NMBR: variants seen among roughly 807,000 people sequenced by gnomAD.
The protein encoded by NMBR is neuromedin B receptor, also known as neuromedin-B receptor.
In NMBR, 16 loss-of-function variants were observed where a neutral mutation model predicts 20.5. The observed-to-expected ratio is 0.78, with a 90% confidence interval of 0.53 to 1.19. The LOEUF (loss-of-function observed/expected upper bound fraction) is 1.19. NMBR is among the 50% of genes most tolerant of loss of function. The pLI, the probability that NMBR is intolerant of heterozygous loss-of-function variation, is 0.00. For synonymous variants in NMBR, 212 were observed against 196.6 expected (o/e 1.08, Z -0.65); for missense variants, 582 against 499.1 (o/e 1.17, Z -1.58).
At chr6:142,079,126 G>GAAGA (rs1554257075) in intron 2 of NMBR, among the ~76,000 whole-genome samples, 14 of 103,278 alleles carry the variant, frequency 1.4e-4, no homozygotes, top group African/African-American at 2.7e-4. Context: ...AAGAAAGAAA[G>GAAGA]AAGAAAGAAA....
chr6:142,085,217 T>C (rs898788821), intron 2 of NMBR, among the ~76,000 whole-genome samples: 11 of 152,020 alleles, frequency 7.2e-5, no homozygotes, highest in African/African-American at 2.7e-4. Flanking sequence ...GTTTGGAAAG[T>C]TGAGGATTAA....
chr6:142,119,566 A>G (rs1777909843), intron 1 of NMBR, among the ~76,000 whole-genome samples: 1 of 151,946 alleles, frequency 6.6e-6, no homozygotes, highest in African/African-American at 2.4e-5. Context: ...CAACACAGAA[A>G]CAGCAACAAT....
At chr6:142,096,506 T>C in intron 1 of NMBR, among the ~76,000 whole-genome samples, 1 of 152,178 alleles carries the variant, frequency 6.6e-6, no homozygotes, top group East Asian at 1.9e-4. Context: ...TAATCCTGAG[T>C]TCTAGTTTGA....
chr6:142,122,783 G>T (rs151165184), intron 1 of NMBR, among the ~76,000 whole-genome samples: 193 of 151,998 alleles, frequency 1.3e-3, no homozygotes, highest in Admixed American at 9.6e-3. Flanking sequence ...TCTGTTTACA[G>T]TATAGTTTAC....
intron 1 of NMBR, among the ~76,000 whole-genome samples, chr6:142,109,682 G>A (rs1471249020): frequency 1.3e-5 from 2 of 152,014 alleles, no homozygotes; most frequent in East Asian, 1.9e-4. Flanking sequence ...TTACAGGGAT[G>A]AAATGCTACG....
rs1432305162 is a variant in NMBR, at chr6:142,088,619, C to G, written c.40G>C (p.Gly14Arg). 1 of 1,607,242 alleles carries G rather than the reference C, an allele frequency of 6.2e-7. No homozygotes were observed. Among genetic ancestry groups the G allele is most frequent in the Non-Finnish European group, 8.5e-7 (1 of 1,179,824 alleles). ...KSLSNLSVTTGANESGSVPEG... is the reference protein window; with the variant it reads ...KSLSNLSVTTRANESGSVPEG... ...GGAACGGAACCGCTCTCATTCGCGC[C>G]GGTGGTCACCGAGAGGTTGGAAAGA... is the stretch of plus-strand genomic sequence containing the variant. The change falls in exon 2 of 4, where the codon GGC (glycine) becomes CGC (arginine). Residue 14 changes from glycine (G) to arginine (R), a missense_variant. Physicochemically the swap from Gly to Arg is moderately radical, Grantham distance 125. Coordinates refer to ENST00000258042, the MANE Select transcript of NMBR (RefSeq NM_002511.4).
At chr6:142,145,036 A>AAG (rs1554217340) in intron 1 of NMBR, among the ~76,000 whole-genome samples, 1 of 151,230 alleles carries the variant, frequency 6.6e-6, no homozygotes, top group Non-Finnish European at 1.5e-5. Context: ...AAAAAAAAAA[A>AAG]AAAGAAAGAA....
intron 1 of NMBR, among the ~76,000 whole-genome samples, chr6:142,116,662 A>G (rs1255158314): frequency 3.3e-5 from 5 of 151,994 alleles, no homozygotes; most frequent in Admixed American, 2.6e-4. Flanking sequence ...ATCTTTTTGT[A>G]TCATTTGACA....
At chr6:142,121,273 T>C (rs978133462) in intron 1 of NMBR, among the ~76,000 whole-genome samples, 4 of 151,950 alleles carry the variant, frequency 2.6e-5, no homozygotes, top group Middle Eastern at 3.4e-3. Flanking sequence ...GACTGAACAA[T>C]ATTGAAATTA....
At chr6:142,140,162 A>G (rs1303828985) in intron 1 of NMBR, among the ~76,000 whole-genome samples, 1 of 152,132 alleles carries the variant, frequency 6.6e-6, no homozygotes, top group African/African-American at 2.4e-5. Flanking sequence ...ATAAACAAAA[A>G]TAATTTAATA....
At chr6:142,132,679 CT>C (rs1448257094) in intron 1 of NMBR, among the ~76,000 whole-genome samples, 1 of 152,096 alleles carries the variant, frequency 6.6e-6, no homozygotes, top group African/African-American at 2.4e-5. Flanking sequence ...TTCCCATGTA[CT>C]TTTCCTTTAG....
rs1432305162 is a variant in NMBR, at chr6:142,088,619, C to T, written c.40G>A (p.Gly14Ser). The T allele has an allele frequency of 2.5e-6, 4 of 1,607,242 alleles. No individual in the cohort carries two copies. The highest frequency in any genetic ancestry group is 3.4e-6 in the Non-Finnish European group (4 of 1,179,824). ...KSLSNLSVTT[G>S]ANESGSVPEG... is the part of the protein sequence containing the mutation. The stretch of plus-strand genomic sequence containing the variant: ...GGAACGGAACCGCTCTCATTCGCGC[C>T]GGTGGTCACCGAGAGGTTGGAAAGA... The change falls in exon 2 of 4, where the codon GGC becomes AGC. Residue 14 changes from glycine (G) to serine (S), a missense_variant. Transcript: ENST00000258042.
chr6:142,099,702 T>A (rs906918254), intron 1 of NMBR, among the ~76,000 whole-genome samples: 2 of 152,180 alleles, frequency 1.3e-5, no homozygotes, highest in African/African-American at 4.8e-5. Flanking sequence ...TGATCAGCTA[T>A]ACTTAATAAC....
chr6:142,104,078 T>C (rs1777612989), intron 1 of NMBR, among the ~76,000 whole-genome samples: 2 of 152,204 alleles, frequency 1.3e-5, no homozygotes, highest in Non-Finnish European at 2.9e-5. Flanking sequence ...AATAACTGAC[T>C]ATGTCGGCCA....
chr6:142,094,668 T>C (rs1719450552), intron 1 of NMBR, among the ~76,000 whole-genome samples: 1 of 151,798 alleles, frequency 6.6e-6, no homozygotes, highest in South Asian at 2.1e-4. Flanking sequence ...TTTAAAGGAG[T>C]TTTTTTCCAA....
intron 1 of NMBR, among the ~76,000 whole-genome samples, chr6:142,092,246 A>T (rs4896576): frequency 6.6e-6 from 1 of 151,800 alleles, no homozygotes; most frequent in Non-Finnish European, 1.5e-5. Context: ...TTAATGGAAG[A>T]GAATACAAAG....
At chr6:142,101,642 A>T (rs1016920661) in intron 1 of NMBR, among the ~76,000 whole-genome samples, 5 of 152,156 alleles carry the variant, frequency 3.3e-5, no homozygotes, top group African/African-American at 9.7e-5. Context: ...CAGATTTAGC[A>T]TAAGTGACTC....
At chr6:142,143,786 G>GA (rs34970004) in intron 1 of NMBR, among the ~76,000 whole-genome samples, 86,631 of 144,976 alleles carry the variant, frequency 0.6, 26,792 homozygotes, top group East Asian at 0.81. Context: ...AAAAGCAAAG[G>GA]AAAAAAAAAA....
At chr6:142,138,573 T>G (rs1179349270) in intron 1 of NMBR, among the ~76,000 whole-genome samples, 1 of 152,190 alleles carries the variant, frequency 6.6e-6, no homozygotes, top group Non-Finnish European at 1.5e-5. Flanking sequence ...TTTATTGACT[T>G]TCTTTATTTA....
Sources: allele counts gnomAD v4.1 joint callset (sites outside exome capture counted in the v4.1 genomes callset), GRCh38; gene constraint gnomAD v4.1.1; transcripts MANE v1.5; gene names NCBI Gene and HGNC (gene_info 2026-07-23, HGNC 2026-07-21).